The following CD247 variants were observed in gnomAD, a reference collection of about 807,000 sequenced individuals.
CD247 encodes T-cell surface glycoprotein CD3 zeta chain.
In CD247, 13 loss-of-function variants were observed where a neutral mutation model predicts 30.0. That is an observed-to-expected ratio of 0.43 (90% confidence interval 0.28 to 0.69). CD247 has a LOEUF of 0.69. Among genes scored for constraint, CD247 ranks in the 30% least tolerant of loss-of-function variants. The pLI is 0.16. For missense variants in CD247, 193 were observed against 212.6 expected, an observed-to-expected ratio of 0.91 and a Z score of 0.57; for synonymous variants, 72 against 80.0, an observed-to-expected ratio of 0.90 and a Z score of 0.53.
At chr1:167,450,602 G>T (rs2988279) in intron 1 of CD247, among the ~76,000 whole-genome samples, 3 of 152,186 alleles carry the variant, frequency 2.0e-5, no homozygotes, top group Admixed American at 6.5e-5. Flanking sequence ...GCAGAGACAG[G>T]AAAACAGATT....
chr1:167,474,659 A>G (rs1408445674), intron 1 of CD247, among the ~76,000 whole-genome samples: 1 of 150,150 alleles, frequency 6.7e-6, no homozygotes, highest in Non-Finnish European at 1.5e-5. Flanking sequence ...CAGTTCAAAA[A>G]GTATTTGGGA....
intron 1 of CD247, among the ~76,000 whole-genome samples, chr1:167,499,146 C>T (rs1654806507): frequency 6.6e-6 from 1 of 152,128 alleles, no homozygotes; most frequent in South Asian, 2.1e-4. Context: ...AGATTTTGCC[C>T]CCAGGAAACA....
intron 1 of CD247, among the ~76,000 whole-genome samples, chr1:167,468,730 C>T (rs1448837141): frequency 6.6e-6 from 1 of 152,154 alleles, no homozygotes; most frequent in Non-Finnish European, 1.5e-5. Context: ...GGCTGAGAAC[C>T]CTCACTTTTC....
chr1:167,445,576 T>C (rs761651404), intron 1 of CD247, among the ~76,000 whole-genome samples: 1 of 151,968 alleles, frequency 6.6e-6, no homozygotes, highest in Non-Finnish European at 1.5e-5. Flanking sequence ...TCAGGAAGTC[T>C]CATGGTACTG....
At chr1:167,484,065 G>A (rs980442395) in intron 1 of CD247, among the ~76,000 whole-genome samples, 4 of 152,340 alleles carry the variant, frequency 2.6e-5, no homozygotes, top group Non-Finnish European at 4.4e-5. Context: ...GGGCCAGGCC[G>A]GGGGCCGTGG....
Position 167,494,240 on chromosome 1 carries a change from C to T in CD247, c.58+24168G>A, listed in dbSNP as rs1298253557. On this transcript the variant is annotated intron_variant, in intron 1 of 7. Coordinates refer to ENST00000362089, the MANE Select transcript of CD247 (RefSeq NM_198053.3). This position sits in a 1 kb window ranked among gnomAD's most constrained non-coding sequence, Gnocchi z 7.3. ...GGGTCTTTGCTGCCTGTGTTGATGG[C>T]CATGATCAATTCGGATCCCCAGGGC... Among the ~76,000 whole-genome samples the T allele has an allele frequency of 6.6e-6, 1 of 152,140 alleles. No homozygotes were observed. Among genetic ancestry groups the T allele is most frequent in the Non-Finnish European group, 1.5e-5 (1 of 68,020 alleles).
chr1:167,481,195 G>T (rs1466411626), intron 1 of CD247, among the ~76,000 whole-genome samples: 1 of 152,162 alleles, frequency 6.6e-6, no homozygotes, highest in Non-Finnish European at 1.5e-5. Context: ...GCTGAGGTGG[G>T]AGGATCACTT....
chr1:167,448,312 G>T, intron 1 of CD247: 1 of 967,040 alleles, frequency 1.0e-6, no homozygotes, highest in Non-Finnish European at 1.2e-6. Flanking sequence ...TGGATCCACA[G>T]TCCAGGTCTT....
At chr1:167,486,905 C>T (rs1459152697) in intron 1 of CD247, among the ~76,000 whole-genome samples, 4 of 152,006 alleles carry the variant, frequency 2.6e-5, no homozygotes, top group Non-Finnish European at 5.9e-5. Flanking sequence ...GCAACCCCGT[C>T]TCTACTAAAA....
intron 1 of CD247, among the ~76,000 whole-genome samples, chr1:167,505,410 G>C (rs534904726): frequency 1.3e-5 from 2 of 152,266 alleles, no homozygotes. Context: ...AAGCACTCTG[G>C]CTAAATTTAC....
rs1651423544 is a variant in CD247 at position 167,434,351 on chromosome 1, G to A, written c.337-275C>T. 5.3e-5 allele frequency: 28 copies of A among 523,790 alleles called. No homozygotes were observed. In the East Asian group the frequency reaches 9.2e-4, roughly 17 times the overall value. 32.4% of individuals were successfully genotyped at this position (523,790 alleles called of 1,614,324 possible). A position where few individuals can be genotyped will look rare whatever the true frequency, so the allele number is the denominator to read the frequency against. On this transcript the variant is annotated intron_variant, in intron 5 of 7. Coordinates refer to ENST00000362089, the MANE Select transcript of CD247 (RefSeq NM_198053.3). ...TCAAGTTAGGCTCAAAAAGATAGGA[G>A]GTGGAGTTCTAGACAAAGACACGGA...
chr1:167,470,411 G>A (rs1653459118), intron 1 of CD247, among the ~76,000 whole-genome samples: 1 of 150,244 alleles, frequency 6.7e-6, no homozygotes, highest in Non-Finnish European at 1.5e-5. Context: ...GGTAACATGA[G>A]GAAGAATTTG....
At chr1:167,517,263 T>C (rs1373420439) in intron 1 of CD247, among the ~76,000 whole-genome samples, 2 of 152,210 alleles carry the variant, frequency 1.3e-5, no homozygotes, top group Admixed American at 6.5e-5. Flanking sequence ...CCTGGCTCCC[T>C]GGTGGGAGCA....
Position 167,447,973 on chromosome 1 carries a change from G to T in CD247, c.59-7206C>A, listed in dbSNP as rs932811901. Among the ~76,000 whole-genome samples, 5 of 146,282 alleles carry T rather than the reference G, an allele frequency of 3.4e-5. No individual in the cohort carries two copies. In the East Asian group the frequency reaches 9.2e-4, roughly 27 times the overall value. ...CAGTGGCAGCAGCTATGGGTGGGGG[G>T]GTGGGGGCGGTGTCTGTGTTGGGCA... On this transcript the variant is annotated intron_variant, in intron 1 of 7. Transcript: ENST00000362089.
At chr1:167,469,861 C>A (rs982757065) in intron 1 of CD247, among the ~76,000 whole-genome samples, 1 of 152,086 alleles carries the variant, frequency 6.6e-6, no homozygotes, top group African/African-American at 2.4e-5. Flanking sequence ...CTTCTCTAAT[C>A]TTACACACTT....
chr1:167,462,049 C>T lies in CD247; in HGVS notation c.59-21282G>A, dbSNP rs572097595. Among the ~76,000 whole-genome samples, 4 of 152,210 alleles carry T rather than the reference C, an allele frequency of 2.6e-5. No individual in the cohort carries two copies. In the East Asian group the frequency reaches 7.7e-4, roughly 29 times the overall value. On this transcript the variant is annotated intron_variant, in intron 1 of 7. Transcript: ENST00000362089. ...TGACCAATTCACAGAGTATAGGATGCCCACAGGAGGAAAGCTGAATATTTA... is the reference window on the plus strand; with the variant it reads ...TGACCAATTCACAGAGTATAGGATGTCCACAGGAGGAAAGCTGAATATTTA...
chr1:167,436,591 G>A (rs1009072284), intron 4 of CD247, among the ~76,000 whole-genome samples: 4 of 152,132 alleles, frequency 2.6e-5, no homozygotes, highest in South Asian at 2.1e-4. Flanking sequence ...ATCTCACACC[G>A]TATACAAAAA....
chr1:167,474,878 G>T (rs1314677849), intron 1 of CD247, among the ~76,000 whole-genome samples: 2 of 148,662 alleles, frequency 1.3e-5, no homozygotes, highest in Non-Finnish European at 1.5e-5. Context: ...TCAGCCTCCC[G>T]AGTAGCTGGG....
Position 167,431,557 on chromosome 1 carries a change from C to G in CD247, c.*124G>C, listed in dbSNP as rs1173941981. The G allele has an allele frequency of 2.0e-5, 17 of 844,574 alleles. No individual in the cohort carries two copies. The highest frequency in any genetic ancestry group is 3.5e-5 in the Non-Finnish European group (17 of 479,594). 52.3% of individuals were successfully genotyped at this position (844,574 alleles called of 1,614,324 possible). ...TGGAGCTAAATATAACCAAAGCATCCTGTACATAAAGGGGAATACTTCAGT... is the reference window on the plus strand; with the variant it reads ...TGGAGCTAAATATAACCAAAGCATCGTGTACATAAAGGGGAATACTTCAGT... On this transcript the variant is annotated 3_prime_UTR_variant, in exon 8 of 8. Coordinates refer to ENST00000362089, the MANE Select transcript of CD247 (RefSeq NM_198053.3).
Sources: allele counts gnomAD v4.1 joint callset (sites outside exome capture counted in the v4.1 genomes callset), GRCh38; gene constraint gnomAD v4.1.1; non-coding constraint Gnocchi (gnomAD v3.1); transcripts MANE v1.5; gene names NCBI Gene and HGNC (gene_info 2026-07-23, HGNC 2026-07-21).